The following EXOC4 variants were observed in gnomAD, a reference collection of about 807,000 sequenced individuals.
The protein encoded by EXOC4 is exocyst complex component 4.
Under a neutral mutation model 107.2 loss-of-function variants are expected in EXOC4, and 71 were observed. The observed-to-expected ratio is 0.66, with a 90% CI of 0.55 to 0.81. The LOEUF (loss-of-function observed/expected upper bound fraction) is 0.81, where lower values mean the gene tolerates loss of function less well. Ranked by LOEUF, EXOC4 falls within the 30% of genes least tolerant of loss-of-function variation. EXOC4 has a pLI of 0.00. For missense variants in EXOC4, 1,108 were observed against 1,189.6 expected (o/e 0.93, Z 1.01); for synonymous variants, 456 against 441.2 (o/e 1.03, Z -0.42).
intron 7 of EXOC4, among the ~76,000 whole-genome samples, chr7:133,452,926 C>T (rs1161190335): frequency 6.6e-6 from 1 of 152,148 alleles, no homozygotes; most frequent in Non-Finnish European, 1.5e-5. Context: ...CTTATAATGG[C>T]ATCACCAGTT....
chr7:133,857,177 TATATATATATATATATATATATA>T lies in EXOC4; in HGVS notation c.1735-38421_1735-38399del, dbSNP rs1563029853. On this transcript the variant is annotated intron_variant, in intron 11 of 17. Transcript: ENST00000253861. ...ATATATATATATATATATATATATA[TATATATATATATATATATATATA>T]TTTTACCTCTACTTAACCTCCCTGG... Among the ~76,000 whole-genome samples the T allele has an allele frequency of 2.7e-4, 5 of 18,698 alleles. 1 individual carries two copies. The highest frequency in any genetic ancestry group is 4.5e-4 in the Non-Finnish European group (5 of 11,230). The allele number at this position is 18,698 out of a possible 152,430, so 12.3% of individuals were successfully genotyped here. A position where few individuals can be genotyped will look rare whatever the true frequency, so the allele number is the denominator to read the frequency against.
intron 9 of EXOC4, among the ~76,000 whole-genome samples, chr7:133,514,569 T>C (rs1326053575): frequency 6.6e-6 from 1 of 152,202 alleles, no homozygotes; most frequent in African/African-American, 2.4e-5. Flanking sequence ...AGAGGTGCTT[T>C]TGAGCAGCAT....
At chr7:133,448,279 C>A (rs1206943217) in intron 7 of EXOC4, among the ~76,000 whole-genome samples, 1 of 151,914 alleles carries the variant, frequency 6.6e-6, no homozygotes, top group Non-Finnish European at 1.5e-5. Flanking sequence ...GCTTTGAATT[C>A]TAATTTTTAC....
chr7:133,988,313 G>T (rs1419229333), intron 14 of EXOC4, among the ~76,000 whole-genome samples: 1 of 152,172 alleles, frequency 6.6e-6, no homozygotes, highest in African/African-American at 2.4e-5. Flanking sequence ...TCTCTCTCTA[G>T]ATTATACTCA....
At chr7:133,778,028 A>G (rs1173611882) in intron 10 of EXOC4, among the ~76,000 whole-genome samples, 2 of 152,176 alleles carry the variant, frequency 1.3e-5, no homozygotes, top group East Asian at 3.8e-4. Flanking sequence ...TTTTAAAAAA[A>G]TGTCTCTGAA....
rs534446073 is a variant in EXOC4, at chr7:133,570,118, A to C, written c.1418-59927A>C. The stretch of plus-strand genomic sequence containing the variant: ...TTGACAGTTCAAATTTGGTATACAG[A>C]AGTTAGCAGTGTCAATATATAATGT... On this transcript the variant is annotated intron_variant, in intron 9 of 17. Transcript: ENST00000253861. 3.9e-5 allele frequency among the ~76,000 whole-genome samples: 6 copies of C among 152,300 alleles called. No homozygotes were observed. In the South Asian group the frequency reaches 8.3e-4, roughly 21 times the overall value.
intron 6 of EXOC4, among the ~76,000 whole-genome samples, chr7:133,372,385 G>A (rs1796396768): frequency 1.3e-5 from 2 of 152,192 alleles, no homozygotes; most frequent in Admixed American, 1.3e-4. Flanking sequence ...AGCCTGTCCT[G>A]TGGCTATGAT....
intron 9 of EXOC4, chr7:133,551,884 G>A (rs1214388186): frequency 6.6e-6 from 1 of 152,128 alleles, no homozygotes; most frequent in Non-Finnish European, 1.5e-5. Flanking sequence ...TAGTAATATA[G>A]CAGTAGTGTT....
chr7:134,027,044 G>C (rs1053647520), intron 17 of EXOC4, among the ~76,000 whole-genome samples: 3 of 152,038 alleles, frequency 2.0e-5, no homozygotes, highest in Admixed American at 6.6e-5. Context: ...GTGATTAAGG[G>C]GGGGGATTCA....
chr7:133,786,171 A>G (rs1486042462), intron 10 of EXOC4, among the ~76,000 whole-genome samples: 2 of 152,230 alleles, frequency 1.3e-5, no homozygotes, highest in Non-Finnish European at 2.9e-5. Context: ...GTCTCGTAGA[A>G]TCTAACCCTT....
chr7:133,981,980 A>G (rs550304036), intron 14 of EXOC4, among the ~76,000 whole-genome samples: 14 of 152,358 alleles, frequency 9.2e-5, no homozygotes, highest in East Asian at 3.9e-4. Context: ...GCAGGCCATT[A>G]TCTTTAGCAA....
intron 5 of EXOC4, among the ~76,000 whole-genome samples, chr7:133,342,360 G>T (rs1005702263): frequency 1.3e-5 from 2 of 152,148 alleles, no homozygotes; most frequent in African/African-American, 4.8e-5. Flanking sequence ...GCTAAATATA[G>T]TACCTCAATC....
intron 17 of EXOC4, among the ~76,000 whole-genome samples, chr7:134,029,581 G>A (rs540582216): frequency 6.6e-6 from 1 of 152,284 alleles, no homozygotes; most frequent in South Asian, 2.1e-4. Context: ...GTGCAGTGGT[G>A]TGATCACGGC....
At chr7:133,338,640 T>C (rs928843149) in intron 5 of EXOC4, among the ~76,000 whole-genome samples, 4 of 150,850 alleles carry the variant, frequency 2.7e-5, no homozygotes, top group Non-Finnish European at 5.9e-5. Flanking sequence ...TTTCATTAGT[T>C]TTTGGGGAAC....
chr7:133,592,017 A>G (rs1223224636), intron 9 of EXOC4, among the ~76,000 whole-genome samples: 1 of 152,132 alleles, frequency 6.6e-6, no homozygotes, highest in Non-Finnish European at 1.5e-5. Context: ...GTATGCCAAC[A>G]TGTGACAAAA....
At chr7:133,475,655 G>A (rs1364923842) in intron 8 of EXOC4, among the ~76,000 whole-genome samples, 182 bp downstream of exon 8, 3 of 152,054 alleles carry the variant, frequency 2.0e-5, no homozygotes, top group Admixed American at 2.0e-4. Flanking sequence ...GTTGTTTTGG[G>A]TACAGTTACT....
chr7:133,905,040 C>G (rs1799536176), intron 12 of EXOC4, among the ~76,000 whole-genome samples: 1 of 152,160 alleles, frequency 6.6e-6, no homozygotes, highest in Non-Finnish European at 1.5e-5. Flanking sequence ...ATATACAATT[C>G]AAATGATCCA....
chr7:133,560,829 T>A (rs1800791183), intron 9 of EXOC4, among the ~76,000 whole-genome samples: 1 of 152,230 alleles, frequency 6.6e-6, no homozygotes. Flanking sequence ...ATCATGGTGC[T>A]ATATCTTCCA....
chr7:133,638,007 C>T (rs1027305544), intron 10 of EXOC4, among the ~76,000 whole-genome samples: 6 of 151,890 alleles, frequency 4.0e-5, no homozygotes, highest in South Asian at 2.1e-4. Flanking sequence ...AAAGAATAGG[C>T]GGTTTCTCAT....
Sources: allele counts gnomAD v4.1 joint callset (sites outside exome capture counted in the v4.1 genomes callset), GRCh38; gene constraint gnomAD v4.1.1; transcripts MANE v1.5; gene names NCBI Gene and HGNC (gene_info 2026-07-23, HGNC 2026-07-21).